The following SBF2 variants were observed in gnomAD, a reference collection of about 807,000 sequenced individuals.
SBF2 encodes the protein myotubularin-related protein 13.
SBF2 carries 112 observed loss-of-function variants against 225.2 expected under a neutral mutation model. The ratio of observed to expected loss-of-function variants is 0.50; its 90% CI spans 0.43 to 0.58. SBF2 has a LOEUF of 0.58. SBF2 is among the 20% of genes least tolerant of loss of function. The probability of loss-of-function intolerance (pLI) is 0.00; values close to 1 mark genes in which losing one functional copy is unlikely to be tolerated. For missense variants in SBF2, 1,996 were observed against 2,206.2 expected (o/e 0.90, Z 1.91); for synonymous variants, 763 against 773.3 (o/e 0.99, Z 0.22).
intron 1 of SBF2, among the ~76,000 whole-genome samples, chr11:10,281,495 T>C (rs181442122): frequency 1.3e-5 from 2 of 152,368 alleles, no homozygotes; most frequent in African/African-American, 2.4e-5. Context: ...CTCTTATGCA[T>C]GTCCACATGA....
chr11:10,106,539 G>T (rs931185028), intron 2 of SBF2, among the ~76,000 whole-genome samples: 3 of 150,382 alleles, frequency 2.0e-5, no homozygotes, highest in African/African-American at 7.3e-5. Context: ...GGAGGCATGA[G>T]AATCGCTTGA....
intron 1 of SBF2, among the ~76,000 whole-genome samples, chr11:10,199,418 GAC>G (rs1298740387): frequency 1.3e-5 from 2 of 151,514 alleles, no homozygotes; most frequent in Non-Finnish European, 2.9e-5. Flanking sequence ...ACCAAAATGC[GAC>G]ACAGAGACAC....
intron 26 of SBF2, 119 bp from the exon 27 acceptor site, chr11:9,832,539 A>C (rs919107187): frequency 5.0e-5 from 36 of 717,070 alleles, no homozygotes; most frequent in Middle Eastern, 3.1e-4. Context: ...TACTAATATC[A>C]TAGTAATTTT....
At chr11:10,020,691 TAAC>T (rs1565141718) in intron 6 of SBF2, among the ~76,000 whole-genome samples, 12 of 152,148 alleles carry the variant, frequency 7.9e-5, no homozygotes, top group Non-Finnish European at 1.6e-4. Flanking sequence ...TCACTGCCAG[TAAC>T]ATTATCACTT....
chr11:9,807,947 G>C (rs947247596), intron 32 of SBF2, 53 bp downstream of exon 32: 7 of 1,485,194 alleles, frequency 4.7e-6, no homozygotes, highest in South Asian at 1.1e-5. Flanking sequence ...ATCAATGCTA[G>C]TATGTTGTGT....
At chr11:10,063,187 A>C (rs1228307953) in intron 2 of SBF2, among the ~76,000 whole-genome samples, 2 of 152,060 alleles carry the variant, frequency 1.3e-5, no homozygotes, top group Non-Finnish European at 2.9e-5. Flanking sequence ...AGGGTGGAAG[A>C]AGGGAGAAGA....
At chr11:9,967,128 T>C (rs1168942869) in intron 14 of SBF2, among the ~76,000 whole-genome samples, 1 of 152,116 alleles carries the variant, frequency 6.6e-6, no homozygotes, top group Non-Finnish European at 1.5e-5. Context: ...TCCCAGGACT[T>C]TGGGAGGCCG....
chr11:9,950,986 G>A (rs765598411), intron 16 of SBF2, among the ~76,000 whole-genome samples: 8 of 152,180 alleles, frequency 5.3e-5, no homozygotes, highest in Non-Finnish European at 1.2e-4. Context: ...GCAGGATCAT[G>A]GTGGATAGTA....
At chr11:10,270,294 A>G (rs926445926) in intron 1 of SBF2, among the ~76,000 whole-genome samples, 6 of 152,204 alleles carry the variant, frequency 3.9e-5, no homozygotes, top group African/African-American at 9.7e-5. Context: ...ACTCTTGACC[A>G]GAAGCCTTAC....
rs1851884798 is a variant in SBF2, at chr11:9,779,356, T to C, written c.*1062A>G. On this transcript the variant is annotated 3_prime_UTR_variant, in exon 40 of 40. Coordinates refer to ENST00000256190, the MANE Select transcript of SBF2 (RefSeq NM_030962.4). ...TGACGCCAGCTGGTGTCAGTGGTTG[T>C]AGCGAAGATGCTGTTTCTGTTTACC... 6.6e-6 allele frequency: 1 copy of C among 152,652 alleles called. No homozygotes were observed. Among genetic ancestry groups the C allele is most frequent in the South Asian group, 2.1e-4 (1 of 4,824 alleles). The allele number at this position is 152,652 out of a possible 1,614,324, so 9.5% of individuals were successfully genotyped here. A position where few individuals can be genotyped will look rare whatever the true frequency, so the allele number is the denominator to read the frequency against.
intron 13 of SBF2, among the ~76,000 whole-genome samples, chr11:9,969,806 A>G (rs11042572): frequency 0.048 from 7,301 of 152,278 alleles, 233 homozygotes; most frequent in Middle Eastern, 0.071. Context: ...CCTTCTCTCC[A>G]TAAAATAAAG....
chr11:9,898,035 T>C (rs979628281), intron 16 of SBF2, among the ~76,000 whole-genome samples: 1 of 151,454 alleles, frequency 6.6e-6, no homozygotes, highest in East Asian at 1.9e-4. Context: ...AGTGCACTAG[T>C]GCCCGGGAGA....
intron 2 of SBF2, among the ~76,000 whole-genome samples, chr11:10,116,754 C>T (rs1375956190): frequency 1.3e-5 from 2 of 152,098 alleles, no homozygotes; most frequent in Non-Finnish European, 2.9e-5. Flanking sequence ...CTGCCTTGGT[C>T]CTCACTTCCT....
intron 17 of SBF2, among the ~76,000 whole-genome samples, chr11:9,869,422 G>T (rs191712323): frequency 9.3e-4 from 141 of 152,132 alleles, no homozygotes; most frequent in Non-Finnish European, 1.5e-3. Context: ...GGGTTCAAGT[G>T]GTTCTCGTGC....
chr11:9,957,138 C>T (rs988290286), intron 16 of SBF2: 3 of 152,190 alleles, frequency 2.0e-5, no homozygotes, highest in Non-Finnish European at 4.4e-5. Flanking sequence ...TAACTCTTAC[C>T]TCTAAACCCA....
At chr11:10,142,591 G>C (rs892314386) in intron 2 of SBF2, among the ~76,000 whole-genome samples, 2 of 152,150 alleles carry the variant, frequency 1.3e-5, no homozygotes, top group Non-Finnish European at 2.9e-5. Context: ...AATGGCTTCT[G>C]ATATATGAAT....
At chr11:10,223,399 TTATA>T (rs3074175) in intron 1 of SBF2, among the ~76,000 whole-genome samples, 3,292 of 58,644 alleles carry the variant, frequency 0.056, 93 homozygotes, top group African/African-American at 0.11. Flanking sequence ...ATTTTGCACA[TTATA>T]TATATATATA....
At chr11:9,852,825 T>C (rs979642948) in intron 20 of SBF2, 76 bp from the exon 21 acceptor site, 6 of 1,145,798 alleles carry the variant, frequency 5.2e-6, no homozygotes, top group Non-Finnish European at 7.9e-6. Context: ...TATTTTAGAA[T>C]TAAAAGTTAA....
chr11:10,002,465 G>A, intron 7 of SBF2, 92 bp downstream of exon 7: 1 of 1,048,788 alleles, frequency 9.5e-7, no homozygotes, highest in Non-Finnish European at 1.4e-6. Flanking sequence ...TCCCTATGTG[G>A]TTCAAAACCA....
Sources: gnomAD v4.1 joint callset for allele counts (sites outside exome capture counted in the v4.1 genomes callset) on GRCh38, gnomAD v4.1.1 for gene constraint, MANE v1.5 for transcripts, NCBI Gene and HGNC (gene_info 2026-07-23, HGNC 2026-07-21) for gene names.